Variants in DLGAP2 observed in about 807,000 individuals in gnomAD.
DLGAP2 encodes disks large-associated protein 2.
In DLGAP2, 26 loss-of-function variants were observed where a neutral mutation model predicts 100.3. The observed-to-expected ratio is 0.26, with a 90% CI of 0.19 to 0.36. The LOEUF is 0.36. Among genes scored for constraint, DLGAP2 ranks in the 10% least tolerant of loss-of-function variants. The pLI is 1.00. For synonymous variants in DLGAP2, 886 were observed against 630.1 expected, an observed-to-expected ratio of 1.41 and a Z score of -6.08; for missense variants, 1,858 against 1,453.2, an observed-to-expected ratio of 1.28 and a Z score of -4.53.
At position 1,549,445 on chromosome 8, in the gene DLGAP2, T is replaced by A. The variant is rs767298707; in HGVS notation, c.992T>A (p.Leu331Gln). ...GTGGCCCACTGCTACCCCGACGCGCTGCAGAGCCCCTTCGGGGACCTGTCC... is the reference window on the plus strand; with the variant it reads ...GTGGCCCACTGCTACCCCGACGCGCAGCAGAGCCCCTTCGGGGACCTGTCC... ...GPVAHCYPDA[L>Q]QSPFGDLSLK... Residue 331 changes from leucine to glutamine, a missense_variant, in exon 5 of 15, where the codon CTG becomes CAG. Transcript: ENST00000637795. 3.1e-6 allele frequency: 5 copies of A among 1,613,432 alleles called. No individual in the cohort carries two copies. The South Asian group carries it at 5.5e-5, about 18-fold the overall frequency.
intron 2 of DLGAP2, among the ~76,000 whole-genome samples, chr8:1,216,591 C>A (rs111811839): frequency 6.6e-6 from 1 of 152,212 alleles, no homozygotes; most frequent in African/African-American, 2.4e-5. Flanking sequence ...CCACCTCAGC[C>A]CCTCAAAGTG....
At chr8:1,010,372 CAT>C (rs908610925) in intron 2 of DLGAP2, among the ~76,000 whole-genome samples, 1 of 151,786 alleles carries the variant, frequency 6.6e-6, no homozygotes, top group Non-Finnish European at 1.5e-5. Context: ...CTCATTCTCA[CAT>C]GTGTGCACAG....
chr8:1,053,376 T>C (rs1802779686), intron 2 of DLGAP2, among the ~76,000 whole-genome samples: 1 of 152,078 alleles, frequency 6.6e-6, no homozygotes, highest in Admixed American at 6.6e-5. Flanking sequence ...GTACAAGTGA[T>C]GAGTTCATAC....
chr8:1,492,341 G>T (rs1320463767), intron 3 of DLGAP2, among the ~76,000 whole-genome samples: 4 of 152,194 alleles, frequency 2.6e-5, no homozygotes, highest in South Asian at 4.1e-4. Flanking sequence ...AATTTAAACA[G>T]CCTTCAAATC....
chr8:1,697,103 G>A (rs753683929), intron 13 of DLGAP2, 44 bp from the exon 14 acceptor site: 22 of 1,479,760 alleles, frequency 1.5e-5, no homozygotes, highest in Middle Eastern at 2.2e-4. Context: ...CCCTGTGCCC[G>A]CAGGAGACTC....
At chr8:1,304,346 C>A (rs73539520) in intron 3 of DLGAP2, among the ~76,000 whole-genome samples, 1 of 152,196 alleles carries the variant, frequency 6.6e-6, no homozygotes, top group African/African-American at 2.4e-5. Context: ...TGTCTCACTC[C>A]GGAAGCCTTT....
At chr8:1,351,009 T>A (rs868685866) in intron 3 of DLGAP2, among the ~76,000 whole-genome samples, 1 of 62,768 alleles carries the variant, frequency 1.6e-5, no homozygotes, top group Non-Finnish European at 3.5e-5. Flanking sequence ...GGGTCCTGAC[T>A]GTGTGTGGAA....
At chr8:1,051,767 T>G (rs1251452400) in intron 2 of DLGAP2, among the ~76,000 whole-genome samples, 1 of 152,030 alleles carries the variant, frequency 6.6e-6, no homozygotes, top group East Asian at 1.9e-4. Flanking sequence ...GGGCTTCACC[T>G]CTGTCTCATG....
rs76272800 is a variant in DLGAP2, at chr8:1,197,583, C to T, written c.74-61268C>T. On this transcript the variant is annotated intron_variant, in intron 2 of 14. Coordinates refer to ENST00000637795, the MANE Select transcript of DLGAP2 (RefSeq NM_001346810.2). ...AGCATCCAGGCCACCAGCTGTCCAC[C>T]TAAACCTGAGCGAAGCCAATGTGGA... Among the ~76,000 whole-genome samples the T allele has an allele frequency of 6.6e-5, 10 of 151,608 alleles. No homozygotes were observed. In the East Asian group the frequency reaches 1.9e-3, roughly 29 times the overall value.
At chr8:1,295,312 G>C (rs1225977064) in intron 3 of DLGAP2, among the ~76,000 whole-genome samples, 2 of 152,184 alleles carry the variant, frequency 1.3e-5, no homozygotes, top group Non-Finnish European at 2.9e-5. Flanking sequence ...GAAGATGACA[G>C]AGCCTTAAAA....
At chr8:1,239,488 G>C (rs1404449468) in intron 2 of DLGAP2, among the ~76,000 whole-genome samples, 3 of 49,346 alleles carry the variant, frequency 6.1e-5, no homozygotes, top group East Asian at 1.1e-3. Context: ...GTCTAGTTCT[G>C]TCTCACACAG....
At chr8:1,044,568 A>G (rs1802464939) in intron 2 of DLGAP2, among the ~76,000 whole-genome samples, 1 of 152,204 alleles carries the variant, frequency 6.6e-6, no homozygotes, top group African/African-American at 2.4e-5. Context: ...GTGACCTGGC[A>G]GGACACGACG....
chr8:1,304,752 T>C (rs528201712), intron 3 of DLGAP2, among the ~76,000 whole-genome samples: 1 of 152,300 alleles, frequency 6.6e-6, no homozygotes, highest in South Asian at 2.1e-4. Flanking sequence ...TAAGTACCCC[T>C]TGCTACATGA....
chr8:1,209,743 C>A (rs979976342), intron 2 of DLGAP2, among the ~76,000 whole-genome samples: 8 of 152,030 alleles, frequency 5.3e-5, no homozygotes, highest in Admixed American at 5.2e-4. Context: ...GGTGTTTTTC[C>A]AGGAATTAGT....
chr8:755,612 G>T (rs765061635), intron 1 of DLGAP2, among the ~76,000 whole-genome samples: 28 of 152,206 alleles, frequency 1.8e-4, no homozygotes, highest in Non-Finnish European at 4.0e-4. Context: ...GGAACGAGGG[G>T]CAGGTGGGGG....
At chr8:1,601,370 G>A (rs1484661668) in intron 6 of DLGAP2, among the ~76,000 whole-genome samples, 4 of 152,192 alleles carry the variant, frequency 2.6e-5, no homozygotes, top group Non-Finnish European at 5.9e-5. Context: ...ACTTGAGGAG[G>A]CACTCTGTGC....
intron 2 of DLGAP2, among the ~76,000 whole-genome samples, chr8:982,836 T>A (rs954628846): frequency 7.9e-5 from 12 of 152,018 alleles, no homozygotes; most frequent in Admixed American, 2.0e-4. Flanking sequence ...AGTATTTGTG[T>A]TCATTTTTTA....
At chr8:1,138,181 C>A (rs1275229718) in intron 2 of DLGAP2, among the ~76,000 whole-genome samples, 1 of 152,250 alleles carries the variant, frequency 6.6e-6, no homozygotes, top group Non-Finnish European at 1.5e-5. Context: ...CTCACTGGTG[C>A]TCAGCTTTGG....
chr8:1,488,942 G>C (rs1430857430), intron 3 of DLGAP2, among the ~76,000 whole-genome samples: 1 of 152,112 alleles, frequency 6.6e-6, no homozygotes, highest in East Asian at 1.9e-4. Context: ...TACCATTTCA[G>C]ATCTTTTTTC....
Sources: gnomAD v4.1 joint callset for allele counts (sites outside exome capture counted in the v4.1 genomes callset) on GRCh38, gnomAD v4.1.1 for gene constraint, MANE v1.5 for transcripts, NCBI Gene and HGNC (gene_info 2026-07-23, HGNC 2026-07-21) for gene names.